ZBTB20: variants seen among roughly 807,000 people sequenced by gnomAD.
ZBTB20 encodes zinc finger and BTB domain-containing protein 20.
Under a neutral mutation model 56.9 loss-of-function variants are expected in ZBTB20, and 9 were observed. The ratio of observed to expected loss-of-function variants is 0.16; its 90% CI spans 0.10 to 0.28. The LOEUF is 0.28. Ranked by LOEUF, ZBTB20 falls within the 10% of genes least tolerant of loss-of-function variation. ZBTB20 has a pLI of 1.00. For missense variants in ZBTB20, 655 were observed against 1,003.0 expected (o/e 0.65, Z 4.69); for synonymous variants, 417 against 420.7 (o/e 0.99, Z 0.11).
At chr3:115,006,481 A>ATATATATATATATATATATATATATAT in intron 2 of ZBTB20, among the ~76,000 whole-genome samples, 1 of 151,486 alleles carries the variant, frequency 6.6e-6, no homozygotes, top group African/African-American at 2.4e-5. Flanking sequence ...ATATATATAT[A>ATATATATATATATATATATATATATAT]ACCATTTGTC....
At chr3:115,143,670 G>C (rs2084883009) in intron 1 of ZBTB20, among the ~76,000 whole-genome samples, 1 of 151,928 alleles carries the variant, frequency 6.6e-6, no homozygotes, top group East Asian at 1.9e-4. Context: ...TAACTTTCAA[G>C]ACACAAGATT....
At chr3:114,848,635 T>C (rs2074840266) in intron 4 of ZBTB20, among the ~76,000 whole-genome samples, 1 of 152,206 alleles carries the variant, frequency 6.6e-6, no homozygotes, top group Admixed American at 6.5e-5. Context: ...GTCATTCCTC[T>C]CTAATGATAC....
At chr3:114,610,597 G>A (rs919943557) in intron 6 of ZBTB20, among the ~76,000 whole-genome samples, 24 of 152,166 alleles carry the variant, frequency 1.6e-4, no homozygotes, top group Non-Finnish European at 3.4e-4. Flanking sequence ...AGGCAGGAGA[G>A]GTTGGCATTT....
chr3:114,387,904 A>G (rs1191301978), intron 8 of ZBTB20: 1 of 152,258 alleles, frequency 6.6e-6, no homozygotes, highest in Admixed American at 6.5e-5. Flanking sequence ...AGGCCTGTCT[A>G]TCACCTACAC....
chr3:114,347,077 GTTTTTT>G (rs59044965), intron 11 of ZBTB20, among the ~76,000 whole-genome samples: 31,525 of 72,338 alleles, frequency 0.44, 4,891 homozygotes, highest in Middle Eastern at 0.54. Flanking sequence ...TTCTCTTCAG[GTTTTTT>G]TTTTTTTTTT....
rs1253139640 is a variant in ZBTB20 at position 114,337,127 on chromosome 3, A to G, written c.*1878T>C. On this transcript the variant is annotated 3_prime_UTR_variant, in exon 12 of 12. Coordinates refer to ENST00000675478, the MANE Select transcript of ZBTB20 (RefSeq NM_001348800.3). ...TGGGAATTTTTTTGTTAATTTCCCT[A>G]AAACCTTTCGAAGAAGCAAGGGTTA... 6.6e-6 allele frequency: 1 copy of G among 152,238 alleles called. No homozygotes were observed. The highest frequency in any genetic ancestry group is 2.4e-5 in the African/African-American group (1 of 41,452). 9.4% of individuals were successfully genotyped at this position (152,238 alleles called of 1,614,324 possible).
intron 4 of ZBTB20, among the ~76,000 whole-genome samples, chr3:114,806,419 T>C (rs942736201): frequency 6.6e-6 from 1 of 151,990 alleles, no homozygotes; most frequent in Non-Finnish European, 1.5e-5. Flanking sequence ...GTCAAATATT[T>C]TGCCCAGTTT....
At chr3:114,605,220 C>T (rs2057052999) in intron 6 of ZBTB20, among the ~76,000 whole-genome samples, 1 of 151,984 alleles carries the variant, frequency 6.6e-6, no homozygotes. Context: ...CACATTTATC[C>T]ACTAGTCAGA....
intron 5 of ZBTB20, among the ~76,000 whole-genome samples, chr3:114,764,746 G>A (rs887288272): frequency 1.1e-4 from 16 of 152,008 alleles, no homozygotes; most frequent in African/African-American, 3.6e-4. Context: ...TTTCTGTAAG[G>A]AGAAAATAAT....
chr3:115,001,535 T>C (rs1199362219), intron 2 of ZBTB20, among the ~76,000 whole-genome samples: 1 of 151,404 alleles, frequency 6.6e-6, no homozygotes, highest in East Asian at 1.9e-4. Context: ...TTAGGGATTT[T>C]TTTTTTAAAG....
At chr3:114,636,768 A>G (rs995647396) in intron 6 of ZBTB20, among the ~76,000 whole-genome samples, 2 of 152,102 alleles carry the variant, frequency 1.3e-5, no homozygotes, top group African/African-American at 4.8e-5. Flanking sequence ...GAACTACAAA[A>G]CAACCAGACA....
intron 2 of ZBTB20, among the ~76,000 whole-genome samples, chr3:115,038,123 A>G (rs2081002714): frequency 6.6e-6 from 1 of 152,192 alleles, no homozygotes; most frequent in Admixed American, 6.5e-5. Context: ...TTCCGGGTTA[A>G]ACTTCCAATC....
chr3:114,813,713 T>A lies in ZBTB20; in HGVS notation c.-416-12539A>T, dbSNP rs2072724011. ...TTGCAGTGAGTCAAGATGGCACCAC[T>A]GCACTCCAGCCTGGGTGACAGAGTG... On this transcript the variant is annotated intron_variant, in intron 4 of 11. Coordinates refer to ENST00000675478, the MANE Select transcript of ZBTB20 (RefSeq NM_001348800.3). Among the ~76,000 whole-genome samples, 3 of 152,216 alleles carry A rather than the reference T, an allele frequency of 2.0e-5. No individual in the cohort carries two copies. In the South Asian group the frequency reaches 6.2e-4, roughly 32 times the overall value.
chr3:115,014,794 T>C (rs1465580883), intron 2 of ZBTB20, among the ~76,000 whole-genome samples: 1 of 151,720 alleles, frequency 6.6e-6, no homozygotes, highest in Non-Finnish European at 1.5e-5. Flanking sequence ...TGTTTCCTTA[T>C]TGTTTGTTTT....
At chr3:115,013,227 G>T (rs1366263149) in intron 2 of ZBTB20, among the ~76,000 whole-genome samples, 1 of 151,416 alleles carries the variant, frequency 6.6e-6, no homozygotes, top group African/African-American at 2.4e-5. Context: ...AGAGATAAAT[G>T]AGTAGAAAAT....
intron 2 of ZBTB20, among the ~76,000 whole-genome samples, chr3:115,016,516 C>G (rs2079965389): frequency 6.6e-6 from 1 of 151,998 alleles, no homozygotes; most frequent in South Asian, 2.1e-4. Flanking sequence ...GGTTCAGTTT[C>G]AATTTTCTGC....
chr3:114,552,897 T>C (rs894940497), intron 6 of ZBTB20, among the ~76,000 whole-genome samples: 6 of 152,220 alleles, frequency 3.9e-5, no homozygotes, highest in African/African-American at 7.2e-5. Context: ...ATTTTTGCCT[T>C]CAGAATTATT....
At chr3:115,010,240 C>T (rs557411016) in intron 2 of ZBTB20, among the ~76,000 whole-genome samples, 130 of 152,060 alleles carry the variant, frequency 8.5e-4, no homozygotes, top group South Asian at 5.4e-3. Flanking sequence ...GGCTTTTCCA[C>T]TTACTGATTG....
intron 6 of ZBTB20, among the ~76,000 whole-genome samples, chr3:114,560,850 G>C (rs572315256): frequency 6.6e-6 from 1 of 152,218 alleles, no homozygotes; most frequent in Admixed American, 6.5e-5. Context: ...TTTTCACAAA[G>C]GATTTCTCTG....
Sources: gnomAD v4.1 joint callset for allele counts (sites outside exome capture counted in the v4.1 genomes callset) on GRCh38, gnomAD v4.1.1 for gene constraint, MANE v1.5 for transcripts, NCBI Gene and HGNC (gene_info 2026-07-23, HGNC 2026-07-21) for gene names.